The following CSMD2 variants were observed in gnomAD, a reference collection of about 807,000 sequenced individuals.
CSMD2 encodes CUB and sushi domain-containing protein 2.
In CSMD2, 130 loss-of-function variants were observed where a neutral mutation model predicts 398.5. That is an observed-to-expected ratio of 0.33 (90% CI 0.28 to 0.38). The LOEUF (loss-of-function observed/expected upper bound fraction) is 0.38, where lower values mean the gene tolerates loss of function less well. Among genes scored for constraint, CSMD2 ranks in the 10% least tolerant of loss-of-function variants. The pLI is 1.00. For missense variants in CSMD2, 3,829 were observed against 4,764.9 expected (o/e 0.80, Z 5.78); for synonymous variants, 1,828 against 1,908.5 (o/e 0.96, Z 1.10).
chr1:33,540,854 C>T (rs932850173), intron 59 of CSMD2, among the ~76,000 whole-genome samples, 156 bp from the exon 60 acceptor site: 2 of 152,280 alleles, frequency 1.3e-5, no homozygotes, highest in South Asian at 2.1e-4. Flanking sequence ...GAGTTCTGAT[C>T]TTTTTGCACC....
At chr1:34,051,462 T>C (rs1330631133) in intron 2 of CSMD2, among the ~76,000 whole-genome samples, 1 of 152,212 alleles carries the variant, frequency 6.6e-6, no homozygotes, top group East Asian at 1.9e-4. Context: ...TTCATGTGTG[T>C]ATATAAATAT....
At position 33,633,546 on chromosome 1, in the gene CSMD2, G is replaced by C. The variant is rs1311179359; in HGVS notation, c.5087-11C>G. On this transcript the variant is annotated splice_polypyrimidine_tract_variant and intron_variant, in intron 31 of 70. Coordinates refer to ENST00000373381, the MANE Select transcript of CSMD2 (RefSeq NM_001281956.2). This position sits in a 1 kb window ranked among gnomAD's most constrained non-coding sequence, Gnocchi z 5.0. ...ACTGGCCAAACACCACTGTGGAGGA[G>C]ACACAGTGTGGGGACTGGGCAGGCA... is the stretch of plus-strand genomic sequence containing the variant. The C allele has an allele frequency of 6.5e-7, 1 of 1,538,416 alleles. No individual in the cohort carries two copies. Among genetic ancestry groups the C allele is most frequent in the Non-Finnish European group, 8.8e-7 (1 of 1,134,738 alleles).
chr1:33,964,967 A>G (rs1166804073), intron 3 of CSMD2, among the ~76,000 whole-genome samples: 2 of 152,234 alleles, frequency 1.3e-5, no homozygotes, highest in Non-Finnish European at 2.9e-5. Context: ...TAGCACTGTG[A>G]CAAGTAGCAC....
intron 5 of CSMD2, among the ~76,000 whole-genome samples, chr1:33,886,029 C>T (rs1234603170): frequency 6.6e-6 from 1 of 152,026 alleles, no homozygotes; most frequent in East Asian, 1.9e-4. Context: ...CCCCAAAGTG[C>T]CTAGAAAGGG....
intron 25 of CSMD2, among the ~76,000 whole-genome samples, chr1:33,686,155 A>C (rs1645056113): frequency 6.6e-6 from 1 of 152,186 alleles, no homozygotes; most frequent in Admixed American, 6.5e-5. Flanking sequence ...TATTTGATGA[A>C]TGTTTTAGAG....
At chr1:34,000,673 G>T (rs1027248984) in intron 3 of CSMD2, among the ~76,000 whole-genome samples, 1 of 152,008 alleles carries the variant, frequency 6.6e-6, no homozygotes, top group Admixed American at 6.6e-5. Context: ...AAATAAGAAA[G>T]GAAGAAATGA....
At chr1:33,898,763 C>T (rs1642557461) in intron 5 of CSMD2, among the ~76,000 whole-genome samples, 1 of 152,306 alleles carries the variant, frequency 6.6e-6, no homozygotes, top group Non-Finnish European at 1.5e-5. Context: ...CTGAAGGAAG[C>T]TTGGCAACTG....
At chr1:34,109,781 T>C (rs1254307906) in intron 1 of CSMD2, among the ~76,000 whole-genome samples, 1 of 152,090 alleles carries the variant, frequency 6.6e-6, no homozygotes, top group African/African-American at 2.4e-5. Flanking sequence ...GGCTCATGCC[T>C]GTAATCTCAG....
intron 37 of CSMD2, among the ~76,000 whole-genome samples, chr1:33,620,507 A>AT (rs1641700608): frequency 1.3e-5 from 2 of 152,124 alleles, no homozygotes; most frequent in Admixed American, 6.5e-5. Context: ...GAAGAGGTGG[A>AT]TTTTTTTCCT....
At chr1:33,560,917 C>A (rs184775983) in intron 53 of CSMD2, among the ~76,000 whole-genome samples, 1 of 152,348 alleles carries the variant, frequency 6.6e-6, no homozygotes, top group East Asian at 1.9e-4. Context: ...GCCTAGGCTT[C>A]TGCTTTGATC....
intron 64 of CSMD2, among the ~76,000 whole-genome samples, chr1:33,529,959 A>C (rs1414202749): frequency 1.3e-5 from 2 of 152,234 alleles, no homozygotes; most frequent in African/African-American, 4.8e-5. Context: ...AAAAATGGAC[A>C]AAGGATTTGA....
chr1:33,613,275 A>C (rs1484255187), intron 40 of CSMD2, among the ~76,000 whole-genome samples: 1 of 152,182 alleles, frequency 6.6e-6, no homozygotes, highest in Non-Finnish European at 1.5e-5. Flanking sequence ...CTTACAGGGA[A>C]AGCCACCTCA....
In CSMD2 at chr1:33,812,197, T is replaced by C. The variant is rs149416061; in HGVS notation, c.1325-1333A>G. On this transcript the variant is annotated intron_variant, in intron 9 of 70. Transcript: ENST00000373381. ...TGTGGGGAGAAAAAAGTGTCTGACA[T>C]AGCCCCTCCTCTCTGAAGGGCCACA... is the stretch of plus-strand genomic sequence containing the variant. 2.2e-4 allele frequency among the ~76,000 whole-genome samples: 34 copies of C among 152,286 alleles called. No homozygotes were observed. The East Asian group carries it at 6.6e-3, about 29-fold the overall frequency.
chr1:33,683,105 C>T (rs1644959213), intron 25 of CSMD2, among the ~76,000 whole-genome samples: 1 of 152,170 alleles, frequency 6.6e-6, no homozygotes, highest in South Asian at 2.1e-4. Flanking sequence ...TACTTCAATG[C>T]TTTTATTTCT....
At chr1:33,623,539 G>A (rs1203937960) in intron 35 of CSMD2, 73 bp from the exon 36 acceptor site, 2 of 1,044,174 alleles carry the variant, frequency 1.9e-6, no homozygotes, top group Admixed American at 3.5e-5. Context: ...TTCCCTTTCT[G>A]CCCTTCCCGT....
At chr1:33,654,633 C>T (rs1173481312) in intron 27 of CSMD2, among the ~76,000 whole-genome samples, 2 of 152,226 alleles carry the variant, frequency 1.3e-5, no homozygotes, top group African/African-American at 4.8e-5. Context: ...TTGAGCTTAA[C>T]AAAGCAAGAC....
intron 26 of CSMD2, among the ~76,000 whole-genome samples, chr1:33,662,016 CAG>C: frequency 6.6e-6 from 1 of 151,996 alleles, no homozygotes; most frequent in East Asian, 1.9e-4. Context: ...GAAACCGAAG[CAG>C]AGTCACTTGA....
chr1:34,102,325 T>A (rs1225791726), intron 1 of CSMD2, among the ~76,000 whole-genome samples: 1 of 152,110 alleles, frequency 6.6e-6, no homozygotes, highest in Non-Finnish European at 1.5e-5. Context: ...CCACCGCACC[T>A]GGCCAAAATG....
chr1:33,577,569 TCC>T (rs11291100), intron 48 of CSMD2, 85 bp from the exon 49 acceptor site: 1 of 1,113,330 alleles, frequency 9.0e-7, no homozygotes, highest in Non-Finnish European at 1.3e-6. Context: ...CCCTTTCGTC[TCC>T]CCCCCATCCC....
Sources: gnomAD v4.1 joint callset for allele counts (sites outside exome capture counted in the v4.1 genomes callset) on GRCh38, gnomAD v4.1.1 for gene constraint, Gnocchi (gnomAD v3.1) non-coding constraint, MANE v1.5 for transcripts, NCBI Gene and HGNC (gene_info 2026-07-23, HGNC 2026-07-21) for gene names.